CCNH: variants seen among roughly 807,000 people sequenced by gnomAD.
CCNH encodes cyclin H.
Under a neutral mutation model 41.9 loss-of-function variants are expected in CCNH, and 31 were observed. The ratio of observed to expected loss-of-function variants is 0.74; its 90% CI spans 0.56 to 1.00. The LOEUF (loss-of-function observed/expected upper bound fraction) is 1.00, where lower values mean the gene tolerates loss of function less well. CCNH is among the 50% of genes least tolerant of loss of function. The pLI, the probability that CCNH is intolerant of heterozygous loss-of-function variation, is 0.00. For synonymous variants in CCNH, 138 were observed against 136.1 expected (o/e 1.01, Z -0.10); for missense variants, 362 against 388.4 (o/e 0.93, Z 0.57).
Position 87,353,311 on chromosome 5 carries a change from A to C in CCNH, c.*91-34414T>G, listed in dbSNP as rs1759418266. On this transcript the variant is annotated intron_variant and NMD_transcript_variant, in intron 9 of 9. Coordinates refer to the CCNH transcript ENST00000645953. ...ATTTTGGTGGTATGTTTTTGCACAC[A>C]TTTGTACAATTCAAATTGGATACAA... 5.3e-6 allele frequency: 6 copies of C among 1,142,478 alleles called. No homozygotes were observed. The Admixed American group carries it at 1.1e-4, about 21-fold the overall frequency. 70.8% of individuals were successfully genotyped at this position (1,142,478 alleles called of 1,614,324 possible).
At chr5:87,317,257 C>T (rs918299377), downstream of CCNH, among the ~76,000 whole-genome samples, 4 of 152,098 alleles carry the variant, frequency 2.6e-5, no homozygotes, top group East Asian at 1.9e-4. Context: ...TTTGTTTGTG[C>T]GTTCCAGACT....
downstream of CCNH, chr5:87,394,034 T>C (rs1762722633): frequency 6.4e-6 from 1 of 156,796 alleles, no homozygotes; most frequent in East Asian, 1.9e-4. Flanking sequence ...AATGGACAAA[T>C]AGCTAAATAT....
intron 9 of CCNH, among the ~76,000 whole-genome samples, chr5:87,339,306 T>C (rs557965629): frequency 9.2e-5 from 14 of 152,272 alleles, no homozygotes; most frequent in Admixed American, 3.3e-4. Flanking sequence ...CATAGTCATA[T>C]AGTTATTTAG....
Position 87,349,493 on chromosome 5 carries a change from T to G in CCNH, c.*91-30596A>C. Reference sequence around the variant, plus strand: ...AAAAATTATAAGACCTTCAATATAATTTCATAGTAGTCATGCCCAAGAATT... The same window carrying G: ...AAAAATTATAAGACCTTCAATATAAGTTCATAGTAGTCATGCCCAAGAATT... On this transcript the variant is annotated intron_variant and NMD_transcript_variant, in intron 9 of 9. Transcript: ENST00000645953. 19 of 1,085,000 alleles carry G rather than the reference T, an allele frequency of 1.8e-5. No individual in the cohort carries two copies. The South Asian group carries it at 3.0e-4, about 17-fold the overall frequency. 67.2% of individuals were successfully genotyped at this position (1,085,000 alleles called of 1,614,324 possible). A position where few individuals can be genotyped will look rare whatever the true frequency, so the allele number is the denominator to read the frequency against.
intron 9 of CCNH, among the ~76,000 whole-genome samples, chr5:87,365,825 C>CT: frequency 6.6e-6 from 1 of 151,884 alleles, no homozygotes; most frequent in Non-Finnish European, 1.5e-5. Context: ...AAGTTTATGA[C>CT]TGATGATGAG....
intron 8 of CCNH, chr5:87,394,785 AAAAGC>A (rs1478231523): frequency 2.2e-6 from 3 of 1,342,864 alleles, no homozygotes; most frequent in Non-Finnish European, 2.9e-6. Flanking sequence ...GAATAAGAAA[AAAAGC>A]AAAAATGTAG....
At chr5:87,377,129 A>C in exon 1 of CCNH, 1 of 1,463,118 alleles carries the variant, frequency 6.8e-7, no homozygotes, top group South Asian at 1.2e-5. Context: ...AATATACTAA[A>C]TTGTTAAATT....
intron 9 of CCNH, among the ~76,000 whole-genome samples, chr5:87,322,874 C>A (rs567912879): frequency 3.3e-5 from 5 of 152,148 alleles, no homozygotes; most frequent in South Asian, 2.1e-4. Flanking sequence ...CAGGTCTGGA[C>A]ACTAGGAAGG....
chr5:87,394,911 G>C, intron 8 of CCNH, 133 bp downstream of exon 8: 1 of 1,527,718 alleles, frequency 6.5e-7, no homozygotes, highest in South Asian at 1.3e-5. Flanking sequence ...CTGTACGTAA[G>C]GAAGTATGCA....
intron 9 of CCNH, among the ~76,000 whole-genome samples, chr5:87,320,623 C>T (rs1756721434): frequency 6.6e-6 from 1 of 152,144 alleles, no homozygotes; most frequent in African/African-American, 2.4e-5. Flanking sequence ...ACGAGAACAG[C>T]AAGGGGAAAT....
rs1758095789 is a variant in CCNH at position 87,337,970 on chromosome 5, TCA to T, written c.*91-19075_*91-19074del. 6.2e-7 allele frequency: 1 copy of T among 1,604,624 alleles called. No homozygotes were observed. Among genetic ancestry groups the T allele is most frequent in the East Asian group, 2.3e-5 (1 of 44,438 alleles). ...TTTAATAACTTTAAAATTGCTATTT[TCA>T]GTTTCTTAAAAGGAGATATGTTCAT... On this transcript the variant is annotated intron_variant and NMD_transcript_variant, in intron 9 of 9. Transcript: ENST00000645953.
intron 9 of CCNH, among the ~76,000 whole-genome samples, chr5:87,360,478 A>C (rs1265829741): frequency 6.6e-6 from 1 of 152,204 alleles, no homozygotes; most frequent in African/African-American, 2.4e-5. Flanking sequence ...CCATTGCTCC[A>C]TAATTGTAAA....
rs551207533 is a variant in CCNH at position 87,367,710 on chromosome 5, TCA to T, written c.*90+25058_*90+25059del. Among the ~76,000 whole-genome samples, 385 of 152,348 alleles carry T rather than the reference TCA, an allele frequency of 2.5e-3. 5 individuals carry two copies. Among genetic ancestry groups the T allele is most frequent in the South Asian group, 0.02 (98 of 4,832 alleles). Reference sequence around the variant, plus strand: ...TACACCATCTTTTCATAGCTGGATCTCACTGTGGTATTTATTGCTTTACATTT... The same window carrying T: ...TACACCATCTTTTCATAGCTGGATCTCTGTGGTATTTATTGCTTTACATTT... On this transcript the variant is annotated intron_variant and NMD_transcript_variant, in intron 9 of 9. Transcript: ENST00000645953.
intron 9 of CCNH, among the ~76,000 whole-genome samples, chr5:87,344,508 T>G (rs1758702329): frequency 6.6e-6 from 1 of 151,978 alleles, no homozygotes; most frequent in African/African-American, 2.4e-5. Context: ...AAATTCATAA[T>G]ACTTTTTTCT....
chr5:87,370,052 A>G (rs1265893106), intron 9 of CCNH: 1 of 762,130 alleles, frequency 1.3e-6, no homozygotes, highest in South Asian at 1.8e-5. Flanking sequence ...TTTCATATGT[A>G]AAAAGTTTTC....
chr5:87,366,660 T>C (rs966308738), intron 9 of CCNH, among the ~76,000 whole-genome samples: 1 of 152,242 alleles, frequency 6.6e-6, no homozygotes, highest in Non-Finnish European at 1.5e-5. Flanking sequence ...TTATATTTAA[T>C]GATACCAGGT....
Position 87,401,786 on chromosome 5 carries a change from G to GAA in CCNH, c.690-16_690-15dup. ...TCTGATAAATAACTAGTAAAGAAAA[G>GAA]AAAAAAAAATCTATTGAAAACATAC... On this transcript the variant is annotated splice_polypyrimidine_tract_variant and intron_variant, in intron 5 of 8. Coordinates refer to ENST00000256897, the MANE Select transcript of CCNH (RefSeq NM_001239.4). The GAA allele has an allele frequency of 6.8e-7, 1 of 1,475,014 alleles. No homozygotes were observed. The highest frequency in any genetic ancestry group is 9.1e-7 in the Non-Finnish European group (1 of 1,095,504). The allele number at this position is 1,475,014 out of a possible 1,614,324, so 91.4% of individuals were successfully genotyped here. A position where few individuals can be genotyped will look rare whatever the true frequency, so the allele number is the denominator to read the frequency against.
intron 9 of CCNH, chr5:87,332,411 T>A: frequency 8.0e-7 from 1 of 1,244,434 alleles, no homozygotes; most frequent in Non-Finnish European, 1.1e-6. Context: ...AGGAAAAGAG[T>A]ATGGAAATTA....
At chr5:87,322,924 G>A (rs1038210658) in intron 9 of CCNH, among the ~76,000 whole-genome samples, 12 of 152,222 alleles carry the variant, frequency 7.9e-5, no homozygotes, top group African/African-American at 2.4e-4. Context: ...AAGTGTGAGA[G>A]TGTCTGTGTG....
Sources: gnomAD v4.1 joint callset for allele counts (sites outside exome capture counted in the v4.1 genomes callset) on GRCh38, gnomAD v4.1.1 for gene constraint, MANE v1.5 for transcripts, NCBI Gene and HGNC (gene_info 2026-07-23, HGNC 2026-07-21) for gene names.